PIGN: variants seen among roughly 807,000 people sequenced by gnomAD.
PIGN encodes phosphatidylinositol glycan anchor biosynthesis class N.
PIGN carries 117 observed loss-of-function variants against 125.4 expected under a neutral mutation model. The ratio of observed to expected loss-of-function variants is 0.93; its 90% CI spans 0.80 to 1.09. The LOEUF is 1.09. PIGN is among the 50% of genes least tolerant of loss of function. The pLI is 0.00. For synonymous variants in PIGN, 392 were observed against 377.8 expected (o/e 1.04, Z -0.44); for missense variants, 1,075 against 1,094.9 (o/e 0.98, Z 0.26).
intron 1 of PIGN, among the ~76,000 whole-genome samples, chr18:62,180,957 GT>G (rs2037696677): frequency 6.6e-6 from 1 of 151,862 alleles, no homozygotes; most frequent in African/African-American, 2.4e-5. Context: ...TTAGATTTTT[GT>G]TTTTTACCTT....
intron 23 of PIGN, among the ~76,000 whole-genome samples, chr18:62,018,932 G>C (rs1252753021): frequency 6.6e-6 from 1 of 152,158 alleles, no homozygotes; most frequent in Non-Finnish European, 1.5e-5. Context: ...AAAAAGCATT[G>C]GAGGCTGGGC....
intron 30 of PIGN, among the ~76,000 whole-genome samples, chr18:62,061,695 C>T (rs1010956779): frequency 5.9e-5 from 9 of 152,058 alleles, no homozygotes; most frequent in Non-Finnish European, 1.0e-4. Context: ...TTCCAATAAC[C>T]CCGGCACCTG....
At chr18:62,183,433 T>C (rs1309632506) in intron 1 of PIGN, among the ~76,000 whole-genome samples, 1 of 152,174 alleles carries the variant, frequency 6.6e-6, no homozygotes, top group East Asian at 1.9e-4. Flanking sequence ...TATTCAAGTA[T>C]CCCACTGCTA....
chr18:62,075,778 A>G (rs2033140152), intron 28 of PIGN: 1 of 152,232 alleles, frequency 6.6e-6, no homozygotes, highest in Non-Finnish European at 1.5e-5. Context: ...AAGAAACTGT[A>G]AAACTCTTTT....
In PIGN at chr18:62,059,115, C is replaced by A. The variant is rs558340845; in HGVS notation, c.2673-13136G>T. ...AACTGAGTTGGGAAGATCACTTCAG[C>A]CTACAAGGTGGAAGCTGCAGTGGTG... is the stretch of plus-strand genomic sequence containing the variant. On this transcript the variant is annotated intron_variant, in intron 30 of 30. Coordinates refer to ENST00000640252, the MANE Select transcript of PIGN (RefSeq NM_176787.5). 2.7e-5 allele frequency: 4 copies of A among 147,416 alleles called. No homozygotes were observed. In the East Asian group the frequency reaches 8.2e-4, roughly 30 times the overall value. 9.1% of individuals were successfully genotyped at this position (147,416 alleles called of 1,614,324 possible).
chr18:62,161,191 G>C lies in PIGN; in HGVS notation c.163C>G (p.Arg55Gly). 1.2e-6 allele frequency: 2 copies of C among 1,613,854 alleles called. No homozygotes were observed. The highest frequency in any genetic ancestry group is 1.7e-6 in the Non-Finnish European group (2 of 1,179,794). ...RLVLFVADGL[R>G]ADALYELDEN... ...TCTAATTCGTAAAGTGCATCTGCTC[G>C]AAGGCCATCAGCAACAAACAACACT... The change falls in exon 4 of 31, where the codon CGA (arginine) becomes GGA (glycine). Residue 55 changes from arginine to glycine, a missense_variant. This residue lies in a region of PIGN where 152 missense variants were observed against 162.9 expected (regional missense o/e 0.93). Transcript: ENST00000640252.
At chr18:62,153,592 C>T (rs906955419) in intron 7 of PIGN, 5 of 151,988 alleles carry the variant, frequency 3.3e-5, no homozygotes, top group African/African-American at 9.7e-5. Context: ...AAATAATTTG[C>T]TAATCATTTT....
intron 27 of PIGN, among the ~76,000 whole-genome samples, chr18:62,083,793 A>G (rs932217674): frequency 2.0e-5 from 3 of 152,204 alleles, no homozygotes; most frequent in Non-Finnish European, 4.4e-5. Context: ...TCTTTTTAAC[A>G]CTTCTTAAAC....
At chr18:62,084,942 T>C (rs1049803622) in intron 26 of PIGN, among the ~76,000 whole-genome samples, 22 of 152,088 alleles carry the variant, frequency 1.4e-4, no homozygotes, top group African/African-American at 5.3e-4. Flanking sequence ...ACCCCGTCTC[T>C]ACTAAAAATA....
At chr18:62,061,899 G>T (rs2032169501) in intron 30 of PIGN, among the ~76,000 whole-genome samples, 2 of 152,086 alleles carry the variant, frequency 1.3e-5, no homozygotes, top group Non-Finnish European at 2.9e-5. Flanking sequence ...CTTTAGTTTT[G>T]AATCTTGACG....
At chr18:62,066,432 A>G (rs1375708770) in intron 30 of PIGN, among the ~76,000 whole-genome samples, 1 of 152,222 alleles carries the variant, frequency 6.6e-6, no homozygotes, top group South Asian at 2.1e-4. Flanking sequence ...TACGAGGAAA[A>G]TCACATGAAA....
chr18:62,110,861 A>ATATATATATATAAATATGTATATATAT (rs1491417499), intron 16 of PIGN, among the ~76,000 whole-genome samples: 2 of 146,422 alleles, frequency 1.4e-5, no homozygotes, highest in African/African-American at 5.0e-5. Flanking sequence ...TATATAATAC[A>ATATATATATATAAATATGTATATATAT]TATATATATA....
intron 19 of PIGN, 109 bp from the exon 20 acceptor site, chr18:62,105,743 CA>C: frequency 1.8e-6 from 1 of 550,602 alleles, no homozygotes; most frequent in Non-Finnish European, 3.2e-6. Flanking sequence ...CAAAGCCTTA[CA>C]GCTGTTTATT....
In PIGN at chr18:62,117,007, T is replaced by A. The variant is rs188844698; in HGVS notation, c.1173-2368A>T. 2.1e-4 allele frequency among the ~76,000 whole-genome samples: 32 copies of A among 152,208 alleles called. No individual in the cohort carries two copies. In the East Asian group the frequency reaches 5.4e-3, roughly 26 times the overall value. On this transcript the variant is annotated intron_variant, in intron 14 of 30. Coordinates refer to ENST00000640252, the MANE Select transcript of PIGN (RefSeq NM_176787.5). The stretch of plus-strand genomic sequence containing the variant: ...ATGTTATGTTATATTATATTGGAAG[T>A]ATTAAGGTAAAGAAACAGGAGTCAG...
chr18:62,122,453 C>T (rs914989234), intron 14 of PIGN, among the ~76,000 whole-genome samples: 1 of 151,936 alleles, frequency 6.6e-6, no homozygotes, highest in African/African-American at 2.4e-5. Flanking sequence ...TTTATCAGTT[C>T]CCTCTTAATG....
At chr18:62,157,600 T>G in intron 5 of PIGN, 87 bp downstream of exon 5, 2 of 1,263,702 alleles carry the variant, frequency 1.6e-6, no homozygotes, top group Non-Finnish European at 2.2e-6. Context: ...AAAACATACC[T>G]TCACTTTGTG....
intron 10 of PIGN, among the ~76,000 whole-genome samples, chr18:62,143,698 G>A (rs916864886): frequency 6.6e-6 from 1 of 152,144 alleles, no homozygotes; most frequent in Admixed American, 6.5e-5. Context: ...TCCTGTTCTA[G>A]AGAGTTATTA....
At chr18:62,127,405 G>C (rs1336479780) in intron 14 of PIGN, among the ~76,000 whole-genome samples, 1 of 151,884 alleles carries the variant, frequency 6.6e-6, no homozygotes, top group Non-Finnish European at 1.5e-5. Context: ...ATTGAATACT[G>C]TTGCTGAAGT....
intron 28 of PIGN, among the ~76,000 whole-genome samples, chr18:62,079,503 C>A (rs2033344866): frequency 6.6e-6 from 1 of 152,118 alleles, no homozygotes; most frequent in Admixed American, 6.5e-5. Flanking sequence ...ACTTAAGAGC[C>A]TTTTCCTTTT....
Sources: allele counts gnomAD v4.1 joint callset (sites outside exome capture counted in the v4.1 genomes callset), GRCh38; gene constraint gnomAD v4.1.1; regional missense constraint gnomAD v4.1.1; transcripts MANE v1.5; gene names NCBI Gene and HGNC (gene_info 2026-07-23, HGNC 2026-07-21).